CEP135: variants seen among roughly 807,000 people sequenced by gnomAD.
The protein encoded by CEP135 is centrosomal protein 135.
Under a neutral mutation model 157.3 loss-of-function variants are expected in CEP135, and 142 were observed. That is an observed-to-expected ratio of 0.90 (90% CI 0.79 to 1.04). CEP135 has a LOEUF of 1.04. Among genes scored for constraint, CEP135 ranks in the 50% least tolerant of loss-of-function variants. The pLI is 0.00. For synonymous variants in CEP135, 396 were observed against 439.8 expected (o/e 0.90, Z 1.25); for missense variants, 1,317 against 1,309.2 (o/e 1.01, Z -0.09).
chr4:55,999,449 C>T, intron 16 of CEP135, 32 bp downstream of exon 16: 1 of 1,612,788 alleles, frequency 6.2e-7, no homozygotes, highest in East Asian at 2.2e-5. Flanking sequence ...TTCTGCTAAT[C>T]CTAATGTACT....
At chr4:55,976,683 G>T (rs1400019638) in intron 11 of CEP135, among the ~76,000 whole-genome samples, 1 of 152,156 alleles carries the variant, frequency 6.6e-6, no homozygotes, top group Non-Finnish European at 1.5e-5. Context: ...CATTTTAGAG[G>T]CCCAATAATA....
rs202074915 is a variant in CEP135, at chr4:55,974,773, G to A, written c.1277G>A (p.Arg426Lys). Reference sequence around the variant, plus strand: ...CGACAACTTACTCTGGAGGTTGAGAGGATGAGACTAGAACATGGAATAAAA... The same window carrying A: ...CGACAACTTACTCTGGAGGTTGAGAAGATGAGACTAGAACATGGAATAAAA... ...TERQLTLEVE[R>K]MRLEHGIKRR... Residue 426 changes from arginine to lysine, a missense_variant, in exon 11 of 26, where the codon AGG becomes AAG. Transcript: ENST00000257287. The A allele has an allele frequency of 5.8e-5, 93 of 1,613,092 alleles. No individual in the cohort carries two copies. The Admixed American group carries it at 9.8e-4, about 17-fold the overall frequency.
At position 55,991,992 on chromosome 4, in the gene CEP135, A is replaced by T; in HGVS notation, c.1916A>T (p.Glu639Val). The change falls in exon 15 of 26, where the codon GAG becomes GTG. Residue 639 changes from glutamate to valine, a missense_variant. Physicochemically the swap from Glu to Val is moderately radical, Grantham distance 121. Transcript: ENST00000257287. The stretch of plus-strand genomic sequence containing the variant: ...GTGTTAATAATGAAAGAAACAATAG[A>T]GTCGTTAGAGAACAAATTAAAAGTC... ...SKVLIMKETI[E>V]SLENKLKVQA... 6.3e-7 allele frequency: 1 copy of T among 1,586,486 alleles called. No homozygotes were observed. The highest frequency in any genetic ancestry group is 8.6e-7 in the Non-Finnish European group (1 of 1,159,148).
chr4:55,975,064 C>A, intron 11 of CEP135, 95 bp downstream of exon 11: 1 of 903,304 alleles, frequency 1.1e-6, no homozygotes, highest in Non-Finnish European at 1.6e-6. Context: ...TTCGTACTTG[C>A]TTTGAAAAAT....
At position 55,980,285 on chromosome 4, in the gene CEP135, T is replaced by C; in HGVS notation, c.1616T>C (p.Leu539Ser). The C allele has an allele frequency of 6.6e-7, 1 of 1,506,550 alleles. No individual in the cohort carries two copies. Among genetic ancestry groups the C allele is most frequent in the South Asian group, 1.2e-5 (1 of 86,446 alleles). 93.3% of individuals were successfully genotyped at this position (1,506,550 alleles called of 1,614,324 possible). A position where few individuals can be genotyped will look rare whatever the true frequency, so the allele number is the denominator to read the frequency against. The stretch of plus-strand genomic sequence containing the variant: ...GCAGAAAGAGATAAACTAAGTGTCT[T>C]ATATAATGAAGTAAGAAATGTATTA... ...LTAERDKLSV[L>S]YNEAQEELSA... The change falls in exon 12 of 26, where the codon TTA (leucine) becomes TCA (serine). Residue 539 changes from leucine (L) to serine (S), a missense_variant. Leu to Ser is a moderately radical substitution (Grantham distance 145, BLOSUM62 -2). Coordinates refer to ENST00000257287, the MANE Select transcript of CEP135 (RefSeq NM_025009.5).
intron 13 of CEP135, among the ~76,000 whole-genome samples, chr4:55,982,073 C>T (rs1162563365): frequency 6.6e-6 from 1 of 152,090 alleles, no homozygotes. Flanking sequence ...ATTTTCATCA[C>T]CACAAAAAGA....
rs527506197 is a variant in CEP135, at chr4:56,031,098, C to T, written c.*12-262C>T. On this transcript the variant is annotated intron_variant, in intron 25 of 25. Transcript: ENST00000257287. ...AGTGAGCTATGATCACGCCACTGCA[C>T]TCCAGCCTGGGCAACACGGCAAGAC... Among the ~76,000 whole-genome samples the T allele has an allele frequency of 5.9e-5, 9 of 152,142 alleles. No individual in the cohort carries two copies. The South Asian group carries it at 1.7e-3, about 28-fold the overall frequency.
At chr4:55,965,349 C>T (rs1356942056) in intron 7 of CEP135, 2 of 259,562 alleles carry the variant, frequency 7.7e-6, no homozygotes, top group African/African-American at 2.3e-5. Context: ...TATTGAACAA[C>T]ACAGTCTATT....
At chr4:56,009,092 A>G (rs1405524648) in intron 18 of CEP135, among the ~76,000 whole-genome samples, 1 of 152,006 alleles carries the variant, frequency 6.6e-6, no homozygotes, top group Non-Finnish European at 1.5e-5. Flanking sequence ...TGTAGAAACA[A>G]CGTCTCCCTA....
At chr4:55,999,750 T>C in intron 17 of CEP135, 105 bp downstream of exon 17, 1 of 1,170,182 alleles carries the variant, frequency 8.5e-7, no homozygotes, top group African/African-American at 1.5e-5. Flanking sequence ...TGGAGTGCAG[T>C]GGCATGATCA....
intron 14 of CEP135, among the ~76,000 whole-genome samples, chr4:55,990,865 A>G (rs1272345872): frequency 6.6e-6 from 1 of 152,294 alleles, no homozygotes; most frequent in South Asian, 2.1e-4. Context: ...CCTACTTCCC[A>G]AAAATGCTAT....
chr4:55,962,154 C>T (rs1307676325), intron 6 of CEP135, among the ~76,000 whole-genome samples: 1 of 151,920 alleles, frequency 6.6e-6, no homozygotes, highest in Non-Finnish European at 1.5e-5. Flanking sequence ...TGCTGAAGTG[C>T]AGTGGCGCGA....
intron 13 of CEP135, among the ~76,000 whole-genome samples, chr4:55,982,850 T>C (rs1012556082): frequency 6.6e-6 from 1 of 152,136 alleles, no homozygotes; most frequent in Admixed American, 6.5e-5. Context: ...ATAATTTCTT[T>C]TATAATCTCC....
chr4:56,019,393 T>A lies in CEP135; in HGVS notation c.3053T>A (p.Leu1018Gln). The A allele has an allele frequency of 6.2e-7, 1 of 1,613,724 alleles. No individual in the cohort carries two copies. Among genetic ancestry groups the A allele is most frequent in the Non-Finnish European group, 8.5e-7 (1 of 1,179,894 alleles). ...ELENVKSESD[L>Q]LKKQLSNERH... ...GAAAATGTAAAGTCAGAGTCAGACCTACTGAAAAAACAACTTTCAAATGAG... is the reference window on the plus strand; with the variant it reads ...GAAAATGTAAAGTCAGAGTCAGACCAACTGAAAAAACAACTTTCAAATGAG... Residue 1018 changes from leucine to glutamine, a missense_variant, in exon 23 of 26, where the codon CTA (leucine) becomes CAA (glutamine). Transcript: ENST00000257287.
At chr4:56,023,424 A>G (rs951535214) in intron 24 of CEP135, among the ~76,000 whole-genome samples, 1 of 151,966 alleles carries the variant, frequency 6.6e-6, no homozygotes, top group African/African-American at 2.4e-5. Flanking sequence ...ATTTTTAAGA[A>G]CACATTAAAC....
At chr4:55,980,068 A>C in intron 11 of CEP135, 75 bp from the exon 12 acceptor site, 3 of 1,181,602 alleles carry the variant, frequency 2.5e-6, no homozygotes, top group Non-Finnish European at 3.7e-6. Context: ...AGCATCTTTC[A>C]GTCAATCTCA....
intron 14 of CEP135, among the ~76,000 whole-genome samples, chr4:55,987,755 T>C (rs1729635847): frequency 6.6e-6 from 1 of 152,182 alleles, no homozygotes; most frequent in African/African-American, 2.4e-5. Context: ...TAGAAGTCAT[T>C]GGAAAGAAAC....
chr4:55,952,605 A>T (rs1302491282), intron 2 of CEP135: 1 of 179,248 alleles, frequency 5.6e-6, no homozygotes, highest in African/African-American at 2.4e-5. Flanking sequence ...GGATAGTTTC[A>T]TGACAGGGAT....
rs1281695858 is a variant in CEP135 at position 55,973,028 on chromosome 4, T to TG, written c.1249+1621dup. The stretch of plus-strand genomic sequence containing the variant: ...CCTGGGCAAAAATAGTGAAACTGTG[T>TG]GAAAAAAAAAAAGTTTATTTTTCTT... On this transcript the variant is annotated intron_variant, in intron 10 of 25. Transcript: ENST00000257287. Among the ~76,000 whole-genome samples, 10 of 151,774 alleles carry TG rather than the reference T, an allele frequency of 6.6e-5. No homozygotes were observed. In the East Asian group the frequency reaches 1.2e-3, roughly 18 times the overall value.
Sources: allele counts gnomAD v4.1 joint callset (sites outside exome capture counted in the v4.1 genomes callset), GRCh38; gene constraint gnomAD v4.1.1; transcripts MANE v1.5; gene names NCBI Gene and HGNC (gene_info 2026-07-23, HGNC 2026-07-21).